Variants in CALN1 observed in about 807,000 individuals in gnomAD.
CALN1 encodes calcium-binding protein 8.
CALN1 carries 17 observed loss-of-function variants against 30.6 expected under a neutral mutation model. That is an observed-to-expected ratio of 0.56 (90% confidence interval 0.38 to 0.83). The LOEUF (loss-of-function observed/expected upper bound fraction) is 0.83, where lower values mean the gene tolerates loss of function less well. CALN1 is among the 40% of genes least tolerant of loss of function. The pLI is 0.00. For synonymous variants in CALN1, 156 were observed against 131.4 expected, an observed-to-expected ratio of 1.19 and a Z score of -1.28; for missense variants, 291 against 354.9, an observed-to-expected ratio of 0.82 and a Z score of 1.45.
chr7:72,235,950 T>G (rs1455502798), intron 3 of CALN1, among the ~76,000 whole-genome samples: 2 of 151,674 alleles, frequency 1.3e-5, no homozygotes, highest in East Asian at 3.9e-4. Flanking sequence ...AATAACCTGA[T>G]TTCACATTCT....
At chr7:72,259,868 C>A (rs1209353239) in intron 3 of CALN1, among the ~76,000 whole-genome samples, 1 of 152,208 alleles carries the variant, frequency 6.6e-6, no homozygotes, top group African/African-American at 2.4e-5. Context: ...GCCCACTTCT[C>A]TCAAATCCAT....
rs540474443 is a variant in CALN1 at position 72,051,696 on chromosome 7, T to C, written c.389-27927A>G. ...TCTAATTTAAAATATGCTCCAAACA[T>C]AGCTGACCACAGCCAAGTACAGATC... On this transcript the variant is annotated intron_variant, in intron 4 of 6. Coordinates refer to ENST00000395275, the MANE Select transcript of CALN1 (RefSeq NM_031468.4). 2.0e-5 allele frequency among the ~76,000 whole-genome samples: 3 copies of C among 152,296 alleles called. No individual in the cohort carries two copies. The East Asian group carries it at 5.8e-4, about 29-fold the overall frequency.
At chr7:72,353,201 C>T (rs1047806548) in intron 2 of CALN1, among the ~76,000 whole-genome samples, 1 of 152,100 alleles carries the variant, frequency 6.6e-6, no homozygotes, top group Non-Finnish European at 1.5e-5. Flanking sequence ...TCATAAAATG[C>T]TTTCATAAAA....
intron 2 of CALN1, chr7:72,337,016 G>A (rs1334924742): frequency 6.1e-6 from 6 of 985,572 alleles, no homozygotes; most frequent in Non-Finnish European, 7.2e-6. Flanking sequence ...GTCTGGGGAC[G>A]TGTGCCCCGC....
intron 5 of CALN1, among the ~76,000 whole-genome samples, chr7:71,826,871 T>C (rs1362888729): frequency 6.6e-6 from 1 of 152,146 alleles, no homozygotes; most frequent in Non-Finnish European, 1.5e-5. Context: ...AGATGGGTGG[T>C]CTTGCTATGT....
rs866290044 is a variant in CALN1, at chr7:72,356,538, A to C, written c.119+46713T>G. On this transcript the variant is annotated intron_variant, in intron 2 of 6. Coordinates refer to ENST00000395275, the MANE Select transcript of CALN1 (RefSeq NM_031468.4). The stretch of plus-strand genomic sequence containing the variant: ...TCTCTAGGGATATCACTAAAATAAT[A>C]ATAAAAGAATGTAAAACTAACAAGG... Among the ~76,000 whole-genome samples the C allele has an allele frequency of 3.6e-4, 55 of 152,064 alleles. 2 individuals are homozygous for C. The highest frequency in any genetic ancestry group is 1.3e-3 in the African/African-American group (52 of 41,346).
At chr7:72,225,828 T>C (rs1793632718) in intron 3 of CALN1, among the ~76,000 whole-genome samples, 1 of 152,162 alleles carries the variant, frequency 6.6e-6, no homozygotes, top group Admixed American at 6.6e-5. Flanking sequence ...GAAATAGCAG[T>C]GGATCAGGCC....
intron 5 of CALN1, among the ~76,000 whole-genome samples, chr7:71,958,348 T>G (rs1416288835): frequency 6.6e-6 from 1 of 152,156 alleles, no homozygotes; most frequent in African/African-American, 2.4e-5. Context: ...GAGCTTATTA[T>G]TAGTTTGATC....
intron 3 of CALN1, among the ~76,000 whole-genome samples, chr7:72,197,178 CTTTTTTTT>C (rs386410439): frequency 1.6e-5 from 1 of 64,208 alleles, no homozygotes; most frequent in South Asian, 8.7e-4. Flanking sequence ...GGAAGGTTTG[CTTTTTTTT>C]TTTTTTTTTT....
the CALN1 span, among the ~76,000 whole-genome samples, chr7:72,481,594 G>A: frequency 0.073 from 11,118 of 152,114 alleles, 1,370 homozygotes; most frequent in African/African-American, 0.25. Context: ...TAATATACTC[G>A]TTAGTGCTGT....
intron 2 of CALN1, among the ~76,000 whole-genome samples, chr7:72,381,837 C>T (rs1804921493): frequency 6.6e-6 from 1 of 152,080 alleles, no homozygotes. Flanking sequence ...ACGTTCTGCA[C>T]ATGTATCCCA....
chr7:72,330,531 C>T (rs970210001), intron 2 of CALN1, among the ~76,000 whole-genome samples: 5 of 150,974 alleles, frequency 3.3e-5, no homozygotes, highest in Admixed American at 2.6e-4. Flanking sequence ...GCAGTGCTTG[C>T]ATCTGTCTCA....
chr7:71,933,775 A>G (rs1460110247), intron 5 of CALN1, among the ~76,000 whole-genome samples: 2 of 152,166 alleles, frequency 1.3e-5, no homozygotes, highest in African/African-American at 4.8e-5. Context: ...TTTTATGCGG[A>G]GAGACTTTAA....
chr7:72,433,344 T>G (rs1388984212), intron 1 of CALN1, among the ~76,000 whole-genome samples: 2 of 152,128 alleles, frequency 1.3e-5, no homozygotes, highest in African/African-American at 4.8e-5. Flanking sequence ...ATGCATCAGC[T>G]GTGCTATATA....
intron 3 of CALN1, among the ~76,000 whole-genome samples, chr7:72,238,510 T>C (rs1158766134): frequency 1.3e-5 from 2 of 152,146 alleles, no homozygotes; most frequent in African/African-American, 2.4e-5. Context: ...GTGTCTGATA[T>C]GGTTTGACTG....
At chr7:71,917,690 A>G (rs1282921933) in intron 5 of CALN1, among the ~76,000 whole-genome samples, 1 of 152,132 alleles carries the variant, frequency 6.6e-6, no homozygotes, top group Non-Finnish European at 1.5e-5. Context: ...TTAAAAAACC[A>G]TCAGATCATG....
chr7:72,262,078 C>CA (rs1195082292), intron 3 of CALN1, among the ~76,000 whole-genome samples: 1 of 152,214 alleles, frequency 6.6e-6, no homozygotes. Flanking sequence ...GTGCTCAACT[C>CA]AAAGAGAGGC....
chr7:72,189,914 G>C (rs1447400319), intron 3 of CALN1, among the ~76,000 whole-genome samples: 1 of 152,048 alleles, frequency 6.6e-6, no homozygotes, highest in Non-Finnish European at 1.5e-5. Context: ...GCATATAGCC[G>C]AATTCTGTCT....
the CALN1 span, among the ~76,000 whole-genome samples, chr7:72,498,280 C>T: frequency 1.3e-5 from 2 of 151,828 alleles, no homozygotes; most frequent in East Asian, 1.9e-4. Flanking sequence ...GAAATATTGG[C>T]CAAAATTTCT....
Sources: allele counts gnomAD v4.1 joint callset (sites outside exome capture counted in the v4.1 genomes callset), GRCh38; gene constraint gnomAD v4.1.1; transcripts MANE v1.5; gene names NCBI Gene and HGNC (gene_info 2026-07-23, HGNC 2026-07-21).